The following BOC variants were observed in gnomAD, a reference collection of about 807,000 sequenced individuals.
BOC encodes brother of CDO.
A neutral mutation model predicts 112.0 loss-of-function variants in BOC; 76 were observed. That is an observed-to-expected ratio of 0.68 (90% CI 0.56 to 0.82). BOC has a LOEUF of 0.82. Among genes scored for constraint, BOC ranks in the 40% least tolerant of loss-of-function variants. BOC has a pLI of 0.00. For missense variants in BOC, 1,309 were observed against 1,511.7 expected (o/e 0.87, Z 2.22); for synonymous variants, 580 against 599.8 (o/e 0.97, Z 0.48).
intron 5 of BOC, 74 bp downstream of exon 5, chr3:113,268,519 C>T (rs1045140789): frequency 6.9e-7 from 1 of 1,459,838 alleles, no homozygotes; most frequent in Admixed American, 1.9e-5. Context: ...GCTCGCTGCT[C>T]AACAAAGCTA....
At chr3:113,247,492 C>T (rs1945065458) in intron 2 of BOC, among the ~76,000 whole-genome samples, 1 of 94,938 alleles carries the variant, frequency 1.1e-5, no homozygotes, top group Admixed American at 1.2e-4. Context: ...GTTTCAGAGC[C>T]CTGATAGGAA....
rs763609996 is a variant in BOC at position 113,284,323 on chromosome 3, C to T, written c.2657-12C>T. 14 of 1,609,444 alleles carry T rather than the reference C, an allele frequency of 8.7e-6. No individual in the cohort carries two copies. The highest frequency in any genetic ancestry group is 1.7e-5 in the Admixed American group (1 of 59,964). On this transcript the variant is annotated splice_polypyrimidine_tract_variant and intron_variant, in intron 16 of 19. Transcript: ENST00000682979. ...TTGGCCTAAGCACACCTTTATTTTT[C>T]TGTCCTTCCAGAACATACAACAGAC...
At chr3:113,234,948 T>C (rs1042656344) in intron 2 of BOC, among the ~76,000 whole-genome samples, 2 of 152,198 alleles carry the variant, frequency 1.3e-5, no homozygotes, top group African/African-American at 2.4e-5. Context: ...TTGTTTCCCA[T>C]AGGCACTTTC....
chr3:113,255,483 A>AT (rs11406555), intron 4 of BOC, among the ~76,000 whole-genome samples: 4,003 of 152,276 alleles, frequency 0.026, 83 homozygotes, highest in Non-Finnish European at 0.045. Context: ...AACTTTTAAG[A>AT]TTTTTTGATA....
rs144051849 is a variant in BOC at position 113,281,054 on chromosome 3, A to G, written c.2335A>G (p.Ser779Gly). 5.0e-5 allele frequency: 81 copies of G among 1,614,090 alleles called. No individual in the cohort carries two copies. The African/African-American group carries it at 9.7e-4, about 19-fold the overall frequency. The change falls in exon 15 of 20, where the codon AGC becomes GGC. Residue 779 changes from serine to glycine, a missense_variant. Ser to Gly is a moderately conservative substitution (Grantham distance 56, BLOSUM62 0). Transcript: ENST00000682979. ...VEGDKYWHSI[S>G]HLQPETSYDI... is the part of the protein sequence containing the mutation. ...AGGGGACAAGTACTGGCACTCCATC[A>G]GCCACCTGCAGCCAGAGACCTCCTA...
At chr3:113,277,870 A>T (rs1948810608) in intron 9 of BOC, among the ~76,000 whole-genome samples, 1 of 152,214 alleles carries the variant, frequency 6.6e-6, no homozygotes, top group South Asian at 2.1e-4. Flanking sequence ...CTTTGATGAG[A>T]TCATTAGACG....
In BOC at chr3:113,278,833, T is replaced by G; in HGVS notation, c.1816+50T>G. The stretch of plus-strand genomic sequence containing the variant: ...ACGCGCAGTCAGGACTGGAACTGCC[T>G]CAGAGGCCTGTTCCCATGGCTGAAT... On this transcript the variant is annotated intron_variant, in intron 11 of 19. Transcript: ENST00000682979. The surrounding 1 kb of genome is among the most constrained non-coding windows in gnomAD (Gnocchi z 4.2). 1 of 1,481,716 alleles carries G rather than the reference T, an allele frequency of 6.7e-7. No individual in the cohort carries two copies. Among genetic ancestry groups the G allele is most frequent in the Non-Finnish European group, 9.2e-7 (1 of 1,084,888 alleles). The allele number at this position is 1,481,716 out of a possible 1,614,324, so 91.8% of individuals were successfully genotyped here.
intron 2 of BOC, among the ~76,000 whole-genome samples, chr3:113,245,826 T>A (rs533665530): frequency 5.1e-4 from 77 of 152,342 alleles, no homozygotes; most frequent in African/African-American, 1.8e-3. Context: ...TTATTGGTCT[T>A]AGGACATCCA....
rs1422385787 is a variant in BOC, at chr3:113,263,104, A to G, written c.377-5195A>G. ...TTGTGCCTTGTAGCATTAGCCACAGATGCAGCAAGCTGCCACAGGGACAAG... is the reference window on the plus strand; with the variant it reads ...TTGTGCCTTGTAGCATTAGCCACAGGTGCAGCAAGCTGCCACAGGGACAAG... On this transcript the variant is annotated intron_variant, in intron 4 of 19. Transcript: ENST00000682979. 2.2e-4 allele frequency among the ~76,000 whole-genome samples: 34 copies of G among 152,376 alleles called. 1 individual carries two copies. The South Asian group carries it at 7.0e-3, about 32-fold the overall frequency.
rs769304327 is a variant in BOC, at chr3:113,281,103, A to G, written c.2384A>G (p.Asn795Ser). Residue 795 changes from asparagine to serine, a missense_variant, in exon 15 of 20, where the codon AAT becomes AGT. By Grantham distance (46) the Asn-to-Ser change is conservative. Transcript: ENST00000682979. ...TACGACATTAAGATGCAGTGCTTCA[A>G]TGAAGGAGGGGAGAGCGAGTTCAGC... The part of the protein sequence containing the change: ...TSYDIKMQCF[N>S]EGGESEFSNV... 22 of 1,614,024 alleles carry G rather than the reference A, an allele frequency of 1.4e-5. No homozygotes were observed. Among genetic ancestry groups the G allele is most frequent in the Non-Finnish European group, 1.7e-5 (20 of 1,180,034 alleles).
intron 2 of BOC, among the ~76,000 whole-genome samples, chr3:113,224,402 A>AC (rs926670760): frequency 6.6e-6 from 1 of 151,672 alleles, no homozygotes; most frequent in Non-Finnish European, 1.5e-5. Context: ...TGGTGACAGA[A>AC]CCCCCAGGAT....
intron 4 of BOC, among the ~76,000 whole-genome samples, chr3:113,255,000 A>G (rs1280347383): frequency 6.6e-6 from 1 of 151,436 alleles, no homozygotes; most frequent in African/African-American, 2.4e-5. Flanking sequence ...CCCTCCCTCC[A>G]CCCCAGGTTG....
intron 2 of BOC, among the ~76,000 whole-genome samples, chr3:113,225,616 A>C (rs1941540990): frequency 6.6e-6 from 1 of 152,264 alleles, no homozygotes; most frequent in Admixed American, 6.5e-5. Flanking sequence ...TGCCTGGCTA[A>C]TATTACATGT....
chr3:113,285,010 C>T (rs1949539181), intron 18 of BOC, 152 bp downstream of exon 18: 3 of 708,446 alleles, frequency 4.2e-6, no homozygotes, highest in Middle Eastern at 2.5e-4. Flanking sequence ...AACCATTGCC[C>T]TAATAGGCAG....
chr3:113,272,724 G>C (rs943302328), intron 7 of BOC, 21 bp downstream of exon 7: 1 of 1,609,974 alleles, frequency 6.2e-7, no homozygotes, highest in South Asian at 1.1e-5. Flanking sequence ...GCTGTGGACT[G>C]TCTTCTGCTT....
chr3:113,224,124 G>A (rs759266545), intron 2 of BOC, among the ~76,000 whole-genome samples: 6 of 152,186 alleles, frequency 3.9e-5, no homozygotes, highest in Non-Finnish European at 8.8e-5. Context: ...GGAAGTGAGC[G>A]TCCCCTGGGC....
intron 11 of BOC, among the ~76,000 whole-genome samples, 160 bp from the exon 12 acceptor site, chr3:113,279,089 G>A (rs2107710184): frequency 6.6e-6 from 1 of 152,312 alleles, no homozygotes; most frequent in African/African-American, 2.4e-5. Context: ...GCAGCCGTGG[G>A]GAGGTCTGAT....
Position 113,251,323 on chromosome 3 carries a change from C to A in BOC, c.376+490C>A, listed in dbSNP as rs1945616065. On this transcript the variant is annotated intron_variant, in intron 4 of 19. Coordinates refer to ENST00000682979, the MANE Select transcript of BOC (RefSeq NM_001378074.1). ...CAGAGCCCACCCAGCCCAGACTTGGCCTCCTGTCTCTCTGTGAGGGGCAAG... is the reference window on the plus strand; with the variant it reads ...CAGAGCCCACCCAGCCCAGACTTGGACTCCTGTCTCTCTGTGAGGGGCAAG... The A allele has an allele frequency of 5.2e-5, 10 of 193,974 alleles. No individual in the cohort carries two copies. The South Asian group carries it at 1.3e-3, about 25-fold the overall frequency. 12.0% of individuals were successfully genotyped at this position (193,974 alleles called of 1,614,324 possible).
At chr3:113,261,823 T>G (rs141681920) in intron 4 of BOC, 26 of 152,262 alleles carry the variant, frequency 1.7e-4, no homozygotes, top group African/African-American at 6.0e-4. Flanking sequence ...GACTTTGATT[T>G]TCAGCCCTCA....
Sources: gnomAD v4.1 joint callset for allele counts (sites outside exome capture counted in the v4.1 genomes callset) on GRCh38, gnomAD v4.1.1 for gene constraint, Gnocchi (gnomAD v3.1) non-coding constraint, MANE v1.5 for transcripts, NCBI Gene and HGNC (gene_info 2026-07-23, HGNC 2026-07-21) for gene names.